UBE2B: variants seen among roughly 807,000 people sequenced by gnomAD.
The protein encoded by UBE2B is ubiquitin conjugating enzyme E2 B, also known as ubiquitin-conjugating enzyme E2 B.
A neutral mutation model predicts 24.6 loss-of-function variants in UBE2B; 11 were observed. The ratio of observed to expected loss-of-function variants is 0.45; its 90% CI spans 0.28 to 0.74. The LOEUF is 0.74. Among genes scored for constraint, UBE2B ranks in the 30% least tolerant of loss-of-function variants. The probability of loss-of-function intolerance (pLI) is 0.13; values close to 1 mark genes in which losing one functional copy is unlikely to be tolerated. For missense variants in UBE2B, 78 were observed against 185.6 expected (o/e 0.42, Z 3.37); for synonymous variants, 68 against 62.4 (o/e 1.09, Z -0.42).
chr5:134,374,702 G>A, intron 2 of UBE2B: 1 of 477,336 alleles, frequency 2.1e-6, no homozygotes, highest in Non-Finnish European at 3.8e-6. Context: ...GATATAGTGA[G>A]ACAGTGAGAC....
intron 5 of UBE2B, among the ~76,000 whole-genome samples, chr5:134,389,206 C>T (rs1294542552): frequency 2.6e-5 from 4 of 152,060 alleles, no homozygotes; most frequent in Non-Finnish European, 4.4e-5. Flanking sequence ...TCTGAGCCTC[C>T]GAAAGTGTTG....
chr5:134,385,159 T>C (rs1016238048), intron 4 of UBE2B, among the ~76,000 whole-genome samples: 5 of 152,246 alleles, frequency 3.3e-5, no homozygotes, highest in Non-Finnish European at 7.3e-5. Flanking sequence ...AACTTTAAAA[T>C]TGTTTTACAC....
chr5:134,381,039 T>C (rs1437954984), intron 4 of UBE2B, among the ~76,000 whole-genome samples: 1 of 140,006 alleles, frequency 7.1e-6, no homozygotes, highest in African/African-American at 2.7e-5. Context: ...CGATCTCGGC[T>C]CACTGCAAGC....
intron 3 of UBE2B, among the ~76,000 whole-genome samples, chr5:134,377,339 A>C (rs1287872628): frequency 6.6e-6 from 1 of 152,242 alleles, no homozygotes; most frequent in Middle Eastern, 3.2e-3. Flanking sequence ...GAATTAATCC[A>C]TCAAAAATAT....
rs1464647574 is a variant in UBE2B at position 134,380,756 on chromosome 5, T to C, written c.189T>C (p.Tyr63=). The C allele has an allele frequency of 1.3e-6, 2 of 1,590,950 alleles. No individual in the cohort carries two copies. The highest frequency in any genetic ancestry group is 1.7e-5 in the Admixed American group (1 of 59,834). ...TAGTAATAGAATTTTCTGAAGAATA[T>C]CCAAATAAACCACCAACTGTTAGGT... ...FKLVIEFSEE[Y]PNKPPTVRFL... Residue 63 remains tyrosine, a synonymous_variant, in exon 4 of 6, where the codon TAT becomes TAC. Transcript: ENST00000265339.
chr5:134,378,243 T>A (rs1390058074), intron 3 of UBE2B, among the ~76,000 whole-genome samples: 1 of 152,166 alleles, frequency 6.6e-6, no homozygotes, highest in Non-Finnish European at 1.5e-5. Context: ...CTCTGGACCC[T>A]TGAGTATCTA....
At position 134,390,297 on chromosome 5, in the gene UBE2B, C is replaced by T. The variant is rs907648213; in HGVS notation, c.403C>T (p.Arg135Ter). ...QAAQLYQENK[R>*]EYEKRVSAIV... ...AGCACAGCTTTATCAGGAAAACAAA[C>T]GAGAATATGAGAAAAGAGTTTCGGC... Residue 135 changes from arginine (R) to a stop codon, truncating the protein, a stop_gained, in exon 6 of 6, where the codon CGA becomes TGA. Coordinates refer to ENST00000265339, the MANE Select transcript of UBE2B (RefSeq NM_003337.4). LOFTEE classifies it high-confidence loss of function. The surrounding 1 kb of genome is among the most constrained non-coding windows in gnomAD (Gnocchi z 4.6). 1.1e-5 allele frequency: 18 copies of T among 1,613,978 alleles called. No homozygotes were observed. Among genetic ancestry groups the T allele is most frequent in the Non-Finnish European group, 1.4e-5 (17 of 1,179,960 alleles).
At chr5:134,374,731 A>G in intron 2 of UBE2B, 1 of 437,800 alleles carries the variant, frequency 2.3e-6, no homozygotes, top group Non-Finnish European at 4.2e-6. Flanking sequence ...CTCCCCACCA[A>G]AAAAAGTTTT....
intron 4 of UBE2B, among the ~76,000 whole-genome samples, chr5:134,381,686 A>G (rs1161872005): frequency 2.0e-5 from 3 of 152,160 alleles, no homozygotes; most frequent in Non-Finnish European, 4.4e-5. Context: ...GCTCATACCT[A>G]TAAACTCAGC....
chr5:134,385,277 T>C (rs1758781099), intron 4 of UBE2B, among the ~76,000 whole-genome samples: 1 of 152,200 alleles, frequency 6.6e-6, no homozygotes, highest in Admixed American at 6.5e-5. Context: ...AGATCTAGGC[T>C]AAGGCCAATG....
At chr5:134,389,826 C>T (rs1280790785) in intron 5 of UBE2B, 2 of 264,744 alleles carry the variant, frequency 7.6e-6, no homozygotes, top group Non-Finnish European at 1.5e-5. Context: ...GGATTACAGG[C>T]GTGAGCCACC....
intron 2 of UBE2B, among the ~76,000 whole-genome samples, chr5:134,375,420 T>G (rs1758581801): frequency 6.6e-6 from 1 of 152,178 alleles, no homozygotes. Flanking sequence ...TAAACAGAAT[T>G]CTGACACTAC....
intron 3 of UBE2B, among the ~76,000 whole-genome samples, chr5:134,379,209 C>T (rs1256210407): frequency 6.6e-6 from 1 of 152,028 alleles, no homozygotes; most frequent in Admixed American, 6.5e-5. Context: ...GTGAAGTGAA[C>T]AGATTTTAAT....
At chr5:134,383,473 CTTTTTTTTTTTTT>C (rs747399191) in intron 4 of UBE2B, among the ~76,000 whole-genome samples, 3 of 80,032 alleles carry the variant, frequency 3.7e-5, no homozygotes, top group African/African-American at 1.6e-4. Flanking sequence ...CCATACCCAG[CTTTTTTTTTTTTT>C]TTTTTTTTTT....
At chr5:134,384,861 G>A (rs1429189939) in intron 4 of UBE2B, among the ~76,000 whole-genome samples, 2 of 149,360 alleles carry the variant, frequency 1.3e-5, no homozygotes, top group Non-Finnish European at 3.0e-5. Context: ...AACCCTCCCC[G>A]CTTCAGTCCT....
chr5:134,388,481 A>G, intron 5 of UBE2B, 68 bp downstream of exon 5: 1 of 1,395,882 alleles, frequency 7.2e-7, no homozygotes, highest in Non-Finnish European at 1.0e-6. Context: ...TCCTTAGCAC[A>G]CAGGTAACCA....
At chr5:134,379,451 G>T (rs1281147017) in intron 3 of UBE2B, among the ~76,000 whole-genome samples, 2 of 152,008 alleles carry the variant, frequency 1.3e-5, no homozygotes, top group African/African-American at 4.8e-5. Context: ...TTCAAGACCA[G>T]CCTGGCCAAC....
chr5:134,388,762 AG>A (rs1758849407), intron 5 of UBE2B, among the ~76,000 whole-genome samples: 1 of 152,210 alleles, frequency 6.6e-6, no homozygotes, highest in Non-Finnish European at 1.5e-5. Flanking sequence ...AAAAAAAGAA[AG>A]GAAAACTAAT....
intron 2 of UBE2B, among the ~76,000 whole-genome samples, chr5:134,376,364 T>TATATATATATATATATACACAC (rs70976528): frequency 1.3e-5 from 1 of 79,504 alleles, no homozygotes; most frequent in Non-Finnish European, 2.3e-5. Context: ...TATATATATA[T>TATATATATATATATATACACAC]ACACATATGT....
Sources: allele counts gnomAD v4.1 joint callset (sites outside exome capture counted in the v4.1 genomes callset), GRCh38; gene constraint gnomAD v4.1.1; non-coding constraint Gnocchi (gnomAD v3.1); transcripts MANE v1.5; gene names NCBI Gene and HGNC (gene_info 2026-07-23, HGNC 2026-07-21).